PTCH1: variants seen among roughly 807,000 people sequenced by gnomAD.
The protein encoded by PTCH1 is protein patched homolog 1.
Under a neutral mutation model 144.6 loss-of-function variants are expected in PTCH1, and 14 were observed. The ratio of observed to expected loss-of-function variants is 0.10; its 90% CI spans 0.06 to 0.15. The LOEUF is 0.15. PTCH1 is among the 10% of genes least tolerant of loss of function. The pLI is 1.00. For missense variants in PTCH1, 1,623 were observed against 1,948.3 expected (o/e 0.83, Z 3.14); for synonymous variants, 833 against 793.6 (o/e 1.05, Z -0.83).
At chr9:95,490,557 A>ACACACAC (rs1564069050) in intron 2 of PTCH1, among the ~76,000 whole-genome samples, 5 of 147,594 alleles carry the variant, frequency 3.4e-5, no homozygotes, top group African/African-American at 7.4e-5. Context: ...ACACACACAC[A>ACACACAC]AAAGAAAGAT....
At chr9:95,480,323 C>T (rs1306785259) in intron 6 of PTCH1, 67 bp downstream of exon 6, 26 of 1,571,826 alleles carry the variant, frequency 1.7e-5, no homozygotes, top group Non-Finnish European at 2.1e-5. Flanking sequence ...ATAAAGTGAA[C>T]GATGAATGGA....
chr9:95,502,428 C>T (rs906283749), intron 2 of PTCH1, among the ~76,000 whole-genome samples: 5 of 152,184 alleles, frequency 3.3e-5, no homozygotes, highest in African/African-American at 7.2e-5. Context: ...GCAGAATGAA[C>T]GCTTCTATTT....
At position 95,449,504 on chromosome 9, in the gene PTCH1, CAGA is replaced by C. The variant is rs1324919185; in HGVS notation, c.3550-184_3550-182del. 4.9e-5 allele frequency: 41 copies of C among 831,976 alleles called. No individual in the cohort carries two copies. The highest frequency in any genetic ancestry group is 7.4e-5 in the Non-Finnish European group (39 of 524,656). 51.5% of individuals were successfully genotyped at this position (831,976 alleles called of 1,614,324 possible). A position where few individuals can be genotyped will look rare whatever the true frequency, so the allele number is the denominator to read the frequency against. On this transcript the variant is annotated intron_variant, in intron 21 of 23. Coordinates refer to ENST00000331920, the MANE Select transcript of PTCH1 (RefSeq NM_000264.5). The surrounding 1 kb of genome is among the most constrained non-coding windows in gnomAD (Gnocchi z 5.3). ...GGACCTTCAGGTCCCGCAGCTGGAG[CAGA>C]AGAACTGTCCTCTGCTCCACACTGG...
chr9:95,477,755 T>A lies in PTCH1; in HGVS notation c.1348-53A>T, dbSNP rs956160454. The A allele has an allele frequency of 6.9e-6, 11 of 1,601,484 alleles. No homozygotes were observed. The African/African-American group carries it at 1.3e-4, about 20-fold the overall frequency. On this transcript the variant is annotated intron_variant, in intron 9 of 23. Coordinates refer to ENST00000331920, the MANE Select transcript of PTCH1 (RefSeq NM_000264.5). ...ACAAAAGCCGAACATTAGAATGTGTTGTGATTCTAATGTTTCCCTCCACCC... is the reference window on the plus strand; with the variant it reads ...ACAAAAGCCGAACATTAGAATGTGTAGTGATTCTAATGTTTCCCTCCACCC...
chr9:95,467,155 G>T lies in PTCH1; in HGVS notation c.2521C>A (p.Pro841Thr), dbSNP rs2117948672. 6.2e-7 allele frequency: 1 copy of T among 1,614,238 alleles called. No individual in the cohort carries two copies. The highest frequency in any genetic ancestry group is 8.5e-7 in the Non-Finnish European group (1 of 1,180,042). The change falls in exon 15 of 24, where the codon CCC becomes ACC. Residue 841 changes from proline (P) to threonine (T), a missense_variant. By Grantham distance (38) the Pro-to-Thr change is conservative. Coordinates refer to ENST00000331920, the MANE Select transcript of PTCH1 (RefSeq NM_000264.5). Reference protein sequence around the residue: ...YVMLEENKQLPKMWLHYFRDW... With the variant: ...YVMLEENKQLTKMWLHYFRDW... ...CTGAAGTAGTGCAGCCACATTTTGG[G>T]AAGCTGTTTGTTTTCTTCCAACATG... is the stretch of plus-strand genomic sequence containing the variant.
upstream of PTCH1, among the ~76,000 whole-genome samples, chr9:95,510,955 C>T (rs1042545668): frequency 1.3e-5 from 2 of 150,378 alleles, no homozygotes; most frequent in Admixed American, 1.3e-4. Context: ...AGCGCGGTCT[C>T]CCGAGAGCCC....
At chr9:95,506,364 G>A (rs1178409689) in intron 2 of PTCH1, 43 bp downstream of exon 2, 4 of 1,594,590 alleles carry the variant, frequency 2.5e-6, no homozygotes, top group Admixed American at 1.7e-5. Flanking sequence ...ACCGCGAGGA[G>A]GGACCGGGCC....
chr9:95,495,624 G>A (rs1009440240), intron 2 of PTCH1, among the ~76,000 whole-genome samples: 1 of 151,926 alleles, frequency 6.6e-6, no homozygotes, highest in Non-Finnish European at 1.5e-5. Context: ...TTTTGTTCAA[G>A]GCTAACACCT....
At position 95,443,001 on chromosome 9, in the gene PTCH1, T is replaced by C. The variant is rs901696310; in HGVS notation, c.*3392A>G. On this transcript the variant is annotated 3_prime_UTR_variant, in exon 24 of 24. Coordinates refer to ENST00000331920, the MANE Select transcript of PTCH1 (RefSeq NM_000264.5). ...ATAATCATCTTTGAATTTGGCTTTA[T>C]TTATGTTCCCTCATTATTAGGCATC... 5 of 152,204 alleles carry C rather than the reference T, an allele frequency of 3.3e-5. No homozygotes were observed. The highest frequency in any genetic ancestry group is 4.8e-5 in the African/African-American group (2 of 41,454). 9.4% of individuals were successfully genotyped at this position (152,204 alleles called of 1,614,324 possible). A position where few individuals can be genotyped will look rare whatever the true frequency, so the allele number is the denominator to read the frequency against.
Position 95,476,200 on chromosome 9 carries a change from A to C in PTCH1, c.1603-41T>G. 1 of 1,597,278 alleles carries C rather than the reference A, an allele frequency of 6.3e-7. No homozygotes were observed. The highest frequency in any genetic ancestry group is 8.5e-7 in the Non-Finnish European group (1 of 1,173,522). ...CACAGCGCTGAGAGCTGCACTGGAC[A>C]TGGTCCCCTTGGAGCACAGACTGTG... On this transcript the variant is annotated intron_variant, in intron 11 of 23. Coordinates refer to ENST00000331920, the MANE Select transcript of PTCH1 (RefSeq NM_000264.5). The surrounding 1 kb of genome is among the most constrained non-coding windows in gnomAD (Gnocchi z 4.6).
Position 95,444,533 on chromosome 9 carries a change from C to T in PTCH1, c.*1860G>A. ...CGCACACACACACACACACACCCAGCAGCCACAAGCGGCTCCCAATCAGCA... is the reference window on the plus strand; with the variant it reads ...CGCACACACACACACACACACCCAGTAGCCACAAGCGGCTCCCAATCAGCA... On this transcript the variant is annotated 3_prime_UTR_variant, in exon 24 of 24. Coordinates refer to ENST00000331920, the MANE Select transcript of PTCH1 (RefSeq NM_000264.5). The T allele has an allele frequency of 6.6e-6, 1 of 150,962 alleles. No homozygotes were observed. The highest frequency in any genetic ancestry group is 1.5e-5 in the Non-Finnish European group (1 of 68,624). 9.4% of individuals were successfully genotyped at this position (150,962 alleles called of 1,614,324 possible). A position where few individuals can be genotyped will look rare whatever the true frequency, so the allele number is the denominator to read the frequency against.
intron 14 of PTCH1, among the ~76,000 whole-genome samples, chr9:95,468,318 G>A (rs1840219389): frequency 1.3e-5 from 2 of 151,548 alleles, no homozygotes; most frequent in Admixed American, 1.3e-4. Flanking sequence ...TGGCCTCCCA[G>A]AGTGCTGGGA....
chr9:95,465,944 G>A (rs1200690166), intron 15 of PTCH1, among the ~76,000 whole-genome samples: 1 of 152,184 alleles, frequency 6.6e-6, no homozygotes, highest in Non-Finnish European at 1.5e-5. Context: ...ATACATTTAC[G>A]TGCAGTCGGT....
chr9:95,508,385 C>CGCT lies in PTCH1; in HGVS notation c.-25_-24insAGC. 1 of 1,143,590 alleles carries CGCT rather than the reference C, an allele frequency of 8.7e-7. No homozygotes were observed. Among genetic ancestry groups the CGCT allele is most frequent in the Non-Finnish European group, 1.1e-6 (1 of 933,512 alleles). The allele number at this position is 1,143,590 out of a possible 1,614,324, so 70.8% of individuals were successfully genotyped here. On this transcript the variant is annotated 5_prime_UTR_variant, in exon 1 of 24. Transcript: ENST00000331920. ...ATGTTGCCGCCGCCGCCGCCGCCGC[C>CGCT]GCGGGGACGGAGGCTTCCCGGGCGG...
chr9:95,471,556 G>A (rs995451008), intron 12 of PTCH1, among the ~76,000 whole-genome samples: 6 of 152,204 alleles, frequency 3.9e-5, no homozygotes, highest in African/African-American at 1.4e-4. Flanking sequence ...GCTGGGTGCT[G>A]GAGACACAAA....
intron 12 of PTCH1, among the ~76,000 whole-genome samples, chr9:95,475,230 T>C (rs1357642798): frequency 6.6e-6 from 1 of 152,196 alleles, no homozygotes; most frequent in African/African-American, 2.4e-5. Flanking sequence ...CAGGGAACTG[T>C]CCATGCTTAC....
intron 12 of PTCH1, chr9:95,474,247 A>G: frequency 3.1e-6 from 1 of 324,770 alleles, no homozygotes; most frequent in South Asian, 2.6e-5. Flanking sequence ...AGAAGGGGAG[A>G]GGAGAGAGAA....
intron 2 of PTCH1, among the ~76,000 whole-genome samples, chr9:95,497,518 C>G (rs955332415): frequency 1.3e-5 from 2 of 152,202 alleles, no homozygotes; most frequent in South Asian, 2.1e-4. Flanking sequence ...TGCACCCACC[C>G]GGGAGGGCTT....
intron 20 of PTCH1, chr9:95,451,356 T>G (rs182619339): frequency 5.6e-4 from 85 of 152,332 alleles, no homozygotes; most frequent in African/African-American, 1.9e-3. Flanking sequence ...TATTTGACCT[T>G]GGTGAGGCCT....
Sources: gnomAD v4.1 joint callset for allele counts (sites outside exome capture counted in the v4.1 genomes callset) on GRCh38, gnomAD v4.1.1 for gene constraint, Gnocchi (gnomAD v3.1) non-coding constraint, MANE v1.5 for transcripts, NCBI Gene and HGNC (gene_info 2026-07-23, HGNC 2026-07-21) for gene names.